BCLAF1: variants seen among roughly 807,000 people sequenced by gnomAD.
BCLAF1 encodes the protein bcl-2-associated transcription factor 1.
Under a neutral mutation model 99.5 loss-of-function variants are expected in BCLAF1, and 10 were observed. That is an observed-to-expected ratio of 0.10 (90% confidence interval 0.06 to 0.17). The LOEUF (loss-of-function observed/expected upper bound fraction) is 0.17. Among genes scored for constraint, BCLAF1 ranks in the 10% least tolerant of loss-of-function variants. The pLI is 1.00. For missense variants in BCLAF1, 636 were observed against 1,105.8 expected, an observed-to-expected ratio of 0.58 and a Z score of 6.02; for synonymous variants, 255 against 370.9, an observed-to-expected ratio of 0.69 and a Z score of 3.59.
intron 11 of BCLAF1, among the ~76,000 whole-genome samples, chr6:136,262,105 G>A (rs906720563): frequency 3.3e-5 from 5 of 152,082 alleles, no homozygotes; most frequent in African/African-American, 1.2e-4. Context: ...AAGTACTGCA[G>A]TTATCACATC....
chr6:136,274,294 G>T (rs952594143), intron 6 of BCLAF1: 49 of 175,308 alleles, frequency 2.8e-4, no homozygotes, highest in South Asian at 1.4e-3. Context: ...CATTACTACA[G>T]TTCTTTTAAA....
At chr6:136,267,674 T>C (rs1158065150) in intron 10 of BCLAF1, among the ~76,000 whole-genome samples, 1 of 151,892 alleles carries the variant, frequency 6.6e-6, no homozygotes, top group African/African-American at 2.4e-5. Flanking sequence ...ATATTAATAA[T>C]TATAACGACT....
chr6:136,258,430 A>C lies in BCLAF1; in HGVS notation c.*2680T>G, dbSNP rs1372230563. The C allele has an allele frequency of 6.6e-6, 1 of 152,120 alleles. No homozygotes were observed. The highest frequency in any genetic ancestry group is 1.5e-5 in the Non-Finnish European group (1 of 67,910). The allele number at this position is 152,120 out of a possible 1,614,324, so 9.4% of individuals were successfully genotyped here. A position where few individuals can be genotyped will look rare whatever the true frequency, so the allele number is the denominator to read the frequency against. Reference sequence around the variant, plus strand: ...CAAAAACAAAAACAAAAACAAGACAAAACAAAAAAACAGTAAAGAAAGGTT... The same window carrying C: ...CAAAAACAAAAACAAAAACAAGACACAACAAAAAAACAGTAAAGAAAGGTT... On this transcript the variant is annotated 3_prime_UTR_variant, in exon 13 of 13. Coordinates refer to ENST00000531224, the MANE Select transcript of BCLAF1 (RefSeq NM_014739.3).
chr6:136,277,457 TCTC>T (rs1783589865), intron 4 of BCLAF1, among the ~76,000 whole-genome samples: 1 of 152,202 alleles, frequency 6.6e-6, no homozygotes, highest in South Asian at 2.1e-4. Flanking sequence ...CTACTCAACT[TCTC>T]CTCATCTGTA....
At chr6:136,284,688 G>A (rs1365485594) in intron 1 of BCLAF1, among the ~76,000 whole-genome samples, 1 of 152,174 alleles carries the variant, frequency 6.6e-6, no homozygotes, top group Non-Finnish European at 1.5e-5. Flanking sequence ...TGAGATAAGT[G>A]CCTTACATGC....
intron 4 of BCLAF1, 109 bp from the exon 5 acceptor site, chr6:136,276,617 A>G: frequency 7.6e-7 from 1 of 1,322,832 alleles, no homozygotes. Flanking sequence ...GAGAGAAAAT[A>G]ACCCTATTGA....
intron 3 of BCLAF1, 88 bp from the exon 4 acceptor site, chr6:136,278,864 A>G (rs1350224830): frequency 2.4e-6 from 3 of 1,268,554 alleles, no homozygotes; most frequent in African/African-American, 3.0e-5. Flanking sequence ...ACATGTAAAT[A>G]AACAGTAAAG....
At position 136,273,138 on chromosome 6, in the gene BCLAF1, C is replaced by A. The variant is rs770845270; in HGVS notation, c.1902G>T (p.Ser634=). ...AAMTLNERFT[S]YQKATEEHST... Reference sequence around the variant, plus strand: ...TATGTTCTTCAGTGGCTTTCTGATACGAAGTGAACCGCTCGTTTAGGGTCA... The same window carrying A: ...TATGTTCTTCAGTGGCTTTCTGATAAGAAGTGAACCGCTCGTTTAGGGTCA... The change falls in exon 7 of 13, where the codon TCG becomes TCT. Residue 634 remains serine, a synonymous_variant. Transcript: ENST00000531224. 1 of 1,612,060 alleles carries A rather than the reference C, an allele frequency of 6.2e-7. No individual in the cohort carries two copies. The highest frequency in any genetic ancestry group is 8.5e-7 in the Non-Finnish European group (1 of 1,178,620).
chr6:136,269,677 T>G, intron 8 of BCLAF1, 65 bp from the exon 9 acceptor site: 1 of 1,246,788 alleles, frequency 8.0e-7, no homozygotes, highest in Non-Finnish European at 1.1e-6. Flanking sequence ...TATACACATA[T>G]TATAGAGTTA....
At position 136,260,539 on chromosome 6, in the gene BCLAF1, T is replaced by A. The variant is rs1363266136; in HGVS notation, c.*571A>T. 6.6e-6 allele frequency: 1 copy of A among 152,644 alleles called. No individual in the cohort carries two copies. Among genetic ancestry groups the A allele is most frequent in the African/African-American group, 2.4e-5 (1 of 41,432 alleles). The allele number at this position is 152,644 out of a possible 1,614,324, so 9.5% of individuals were successfully genotyped here. A position where few individuals can be genotyped will look rare whatever the true frequency, so the allele number is the denominator to read the frequency against. On this transcript the variant is annotated 3_prime_UTR_variant, in exon 13 of 13. Coordinates refer to ENST00000531224, the MANE Select transcript of BCLAF1 (RefSeq NM_014739.3). ...TACTTTTTAGCTATTGGCAAAGCTTTTTTTTTTTAATTCCTTCTTAAGCAT... is the reference window on the plus strand; with the variant it reads ...TACTTTTTAGCTATTGGCAAAGCTTATTTTTTTTAATTCCTTCTTAAGCAT...
chr6:136,281,944 T>C (rs1383782678), intron 2 of BCLAF1, among the ~76,000 whole-genome samples: 1 of 152,246 alleles, frequency 6.6e-6, no homozygotes, highest in South Asian at 2.1e-4. Flanking sequence ...TGCTTTAAGC[T>C]ACACCTGAAA....
At chr6:136,282,092 C>G (rs1160096610) in intron 2 of BCLAF1, among the ~76,000 whole-genome samples, 1 of 152,176 alleles carries the variant, frequency 6.6e-6, no homozygotes, top group African/African-American at 2.4e-5. Flanking sequence ...TACATGAATT[C>G]AAATTCCTTA....
intron 8 of BCLAF1, chr6:136,269,896 T>C (rs1782273762): frequency 1.2e-5 from 3 of 245,228 alleles, no homozygotes; most frequent in Non-Finnish European, 2.3e-5. Flanking sequence ...CTATAATAAA[T>C]TTTTGTACAG....
At chr6:136,271,947 T>C in intron 8 of BCLAF1, 48 bp downstream of exon 8, 1 of 1,348,050 alleles carries the variant, frequency 7.4e-7, no homozygotes, top group Non-Finnish European at 1.1e-6. Context: ...ACAATATCAT[T>C]AACTAAGCTG....
chr6:136,267,661 A>G (rs1781905979), intron 10 of BCLAF1, among the ~76,000 whole-genome samples: 1 of 151,948 alleles, frequency 6.6e-6, no homozygotes, highest in Admixed American at 6.6e-5. Context: ...CATGGAAGTC[A>G]TTATATTAAT....
chr6:136,273,222 A>G, intron 6 of BCLAF1, 35 bp from the exon 7 acceptor site: 25 of 1,565,790 alleles, frequency 1.6e-5, no homozygotes, highest in Non-Finnish European at 2.1e-5. Flanking sequence ...CCGATTAGTT[A>G]ACTTTACTTT....
chr6:136,274,891 T>G (rs1193713244), intron 6 of BCLAF1, among the ~76,000 whole-genome samples: 2 of 152,006 alleles, frequency 1.3e-5, no homozygotes, highest in Non-Finnish European at 2.9e-5. Context: ...AACAACCTTA[T>G]CTTTAGGACC....
intron 1 of BCLAF1, among the ~76,000 whole-genome samples, chr6:136,289,508 C>T (rs1161069931): frequency 6.6e-6 from 1 of 152,242 alleles, no homozygotes. Flanking sequence ...GTTAGCACTG[C>T]TCAGCGCCCC....
chr6:136,261,599 A>C, intron 11 of BCLAF1, 122 bp from the exon 12 acceptor site: 1 of 972,756 alleles, frequency 1.0e-6, no homozygotes, highest in Non-Finnish European at 1.5e-6. Flanking sequence ...TAATATTCTA[A>C]AACACAATAA....
Sources: gnomAD v4.1 joint callset for allele counts (sites outside exome capture counted in the v4.1 genomes callset) on GRCh38, gnomAD v4.1.1 for gene constraint, MANE v1.5 for transcripts, NCBI Gene and HGNC (gene_info 2026-07-23, HGNC 2026-07-21) for gene names.